The following TNFRSF1A variants were observed in gnomAD, a reference collection of about 807,000 sequenced individuals.
The protein encoded by TNFRSF1A is tumor necrosis factor receptor superfamily member 1A.
A neutral mutation model predicts 41.6 loss-of-function variants in TNFRSF1A; 9 were observed. That is an observed-to-expected ratio of 0.22 (90% confidence interval 0.13 to 0.38). TNFRSF1A has a LOEUF of 0.38. TNFRSF1A is among the 10% of genes least tolerant of loss of function. TNFRSF1A has a pLI of 1.00. For synonymous variants in TNFRSF1A, 254 were observed against 248.6 expected (o/e 1.02, Z -0.21); for missense variants, 463 against 591.5 (o/e 0.78, Z 2.25).
chr12:6,339,062 C>A (rs542975537), intron 1 of TNFRSF1A, among the ~76,000 whole-genome samples: 1 of 152,156 alleles, frequency 6.6e-6, no homozygotes, highest in East Asian at 1.9e-4. Flanking sequence ...TCCTCTCCCC[C>A]ACTCCCTCTA....
At chr12:6,340,995 A>C (rs1948187450) in intron 1 of TNFRSF1A, among the ~76,000 whole-genome samples, 2 of 152,180 alleles carry the variant, frequency 1.3e-5, no homozygotes, top group African/African-American at 4.8e-5. Flanking sequence ...GGGGAGGGGA[A>C]GCTGGAGGAC....
chr12:6,331,080 A>G, intron 5 of TNFRSF1A, 154 bp from the exon 6 acceptor site: 1 of 695,440 alleles, frequency 1.4e-6, no homozygotes, highest in Non-Finnish European at 2.6e-6. Context: ...AGAATGAAAC[A>G]CAGTTAATCA....
chr12:6,329,521 G>T lies in TNFRSF1A; in HGVS notation c.1159C>A (p.Arg387=). The T allele has an allele frequency of 6.3e-7, 1 of 1,595,002 alleles. No individual in the cohort carries two copies. Residue 387 remains arginine (R), a synonymous_variant, in exon 10 of 10, where the codon CGG becomes AGG. Transcript: ENST00000162749. ...CAGCGCCCGTTCTGCAGCTCCAGCC[G>T]ATCGATCTCGTGGTCGCTCAGCCCT... ...RLGLSDHEID[R]LELQNGRCLR...
At chr12:6,339,023 C>T (rs1030475172) in intron 1 of TNFRSF1A, among the ~76,000 whole-genome samples, 14 of 152,170 alleles carry the variant, frequency 9.2e-5, no homozygotes, top group Admixed American at 8.5e-4. Flanking sequence ...ATTCCTCCAC[C>T]TGGAACCATA....
intron 1 of TNFRSF1A, among the ~76,000 whole-genome samples, chr12:6,336,837 A>G (rs1045339487): frequency 1.3e-5 from 2 of 152,178 alleles, no homozygotes; most frequent in South Asian, 4.1e-4. Context: ...GAAGCAAGCC[A>G]AGGCTGCCCT....
In TNFRSF1A at chr12:6,334,513, T is replaced by C. The variant is rs1948093867; in HGVS notation, c.40-269A>G. The stretch of plus-strand genomic sequence containing the variant: ...GTAGGCCCCAGATCTAAGCTGTATT[T>C]TTTTTTTTTTAGGCAGGATCTTGCT... On this transcript the variant is annotated intron_variant, in intron 1 of 9. Transcript: ENST00000162749. This position sits in a 1 kb window ranked among gnomAD's most constrained non-coding sequence, Gnocchi z 5.1. 6.8e-6 allele frequency among the ~76,000 whole-genome samples: 1 copy of C among 148,056 alleles called. No individual in the cohort carries two copies. Among genetic ancestry groups the C allele is most frequent in the South Asian group, 2.1e-4 (1 of 4,824 alleles).
Position 6,341,970 on chromosome 12 carries a change from G to C in TNFRSF1A, c.-156C>G. On this transcript the variant is annotated 5_prime_UTR_variant, in exon 1 of 10. Coordinates refer to ENST00000162749, the MANE Select transcript of TNFRSF1A (RefSeq NM_001065.4). The surrounding 1 kb of genome is among the most constrained non-coding windows in gnomAD (Gnocchi z 4.6). ...GACTCGGGCATAGAGATCACGGCCT[G>C]GTCCCAGTGATCTTGAACCCCAAAG... is the stretch of plus-strand genomic sequence containing the variant. 1.3e-6 allele frequency: 1 copy of C among 750,666 alleles called. No homozygotes were observed. Among genetic ancestry groups the C allele is most frequent in the South Asian group, 1.5e-5 (1 of 68,736 alleles). The allele number at this position is 750,666 out of a possible 1,614,324, so 46.5% of individuals were successfully genotyped here.
chr12:6,329,803 G>T lies in TNFRSF1A; in HGVS notation c.1032C>A (p.Ser344Arg). 6.2e-7 allele frequency: 1 copy of T among 1,601,808 alleles called. No homozygotes were observed. The highest frequency in any genetic ancestry group is 8.5e-7 in the Non-Finnish European group (1 of 1,175,878). ...IPNPLQKWED[S>R]AHKPQSLDTD... ...TGTCTAGGCTCTGTGGCTTGTGGGCGCTGTCCTCCCACTTCTGAAGGGGGT... is the reference window on the plus strand; with the variant it reads ...TGTCTAGGCTCTGTGGCTTGTGGGCTCTGTCCTCCCACTTCTGAAGGGGGT... The change falls in exon 9 of 10, where the codon AGC becomes AGA. Residue 344 changes from serine to arginine, a missense_variant. Around this residue, in one of 4 missense-constraint regions of TNFRSF1A, gnomAD observed 277 missense variants for 288.8 expected, o/e 0.96. Transcript: ENST00000162749.
rs73049962 is a variant in TNFRSF1A, at chr12:6,341,037, G to T, written c.39+739C>A. ...AGGGACACTGACCAGGTGGGGGTAGGACTAGCTCCCTGGGAAGGCTCAGTC... is the reference window on the plus strand; with the variant it reads ...AGGGACACTGACCAGGTGGGGGTAGTACTAGCTCCCTGGGAAGGCTCAGTC... On this transcript the variant is annotated intron_variant, in intron 1 of 9. Transcript: ENST00000162749. This position sits in a 1 kb window ranked among gnomAD's most constrained non-coding sequence, Gnocchi z 4.6. Among the ~76,000 whole-genome samples, 2,275 of 152,268 alleles carry T rather than the reference G, an allele frequency of 0.015. 44 individuals are homozygous for T. Among genetic ancestry groups the T allele is most frequent in the Non-Finnish European group, 0.019 (1,263 of 68,014 alleles).
In TNFRSF1A at chr12:6,341,020, T is replaced by C. The variant is rs1222852133; in HGVS notation, c.39+756A>G. On this transcript the variant is annotated intron_variant, in intron 1 of 9. Transcript: ENST00000162749. The surrounding 1 kb of genome is among the most constrained non-coding windows in gnomAD (Gnocchi z 4.6). The stretch of plus-strand genomic sequence containing the variant: ...AGCTGGAGGACAGGCCCAGGGACAC[T>C]GACCAGGTGGGGGTAGGACTAGCTC... Among the ~76,000 whole-genome samples, 1 of 152,122 alleles carries C rather than the reference T, an allele frequency of 6.6e-6. No homozygotes were observed. The highest frequency in any genetic ancestry group is 1.5e-5 in the Non-Finnish European group (1 of 68,012).
intron 5 of TNFRSF1A, 135 bp downstream of exon 5, chr12:6,332,934 G>A: frequency 2.7e-6 from 2 of 751,162 alleles, no homozygotes; most frequent in South Asian, 1.5e-5. Flanking sequence ...TTAACGAAGT[G>A]TCTCCTACTC....
chr12:6,332,933 T>C, intron 5 of TNFRSF1A, 136 bp downstream of exon 5: 1 of 739,782 alleles, frequency 1.4e-6, no homozygotes, highest in Non-Finnish European at 2.4e-6. Context: ...CTTAACGAAG[T>C]GTCTCCTACT....
At chr12:6,331,200 T>C (rs1592045567) in intron 5 of TNFRSF1A, 1 of 502,268 alleles carries the variant, frequency 2.0e-6, no homozygotes, top group Non-Finnish European at 3.6e-6. Flanking sequence ...TGGCTAGCAG[T>C]GTGAATCTAG....
Position 6,336,263 on chromosome 12 carries a change from A to C in TNFRSF1A, c.40-2019T>G, listed in dbSNP as rs1191453247. 2.6e-5 allele frequency among the ~76,000 whole-genome samples: 4 copies of C among 152,050 alleles called. No individual in the cohort carries two copies. In the East Asian group the frequency reaches 7.7e-4, roughly 29 times the overall value. ...GGAGGGAGAGAGGCTTTCTCAGGCC[A>C]CGTGTTCCCTTCTCTTTCCAGCACT... is the stretch of plus-strand genomic sequence containing the variant. On this transcript the variant is annotated intron_variant, in intron 1 of 9. Transcript: ENST00000162749.
chr12:6,329,162 G>T lies in TNFRSF1A; in HGVS notation c.*150C>A. On this transcript the variant is annotated 3_prime_UTR_variant, in exon 10 of 10. Transcript: ENST00000162749. ...GACTGTCGGCGGCGCGCAGGCAGCT[G>T]AGAAAAGCTATGTACATCGAGGGGT... 1 of 734,376 alleles carries T rather than the reference G, an allele frequency of 1.4e-6. No homozygotes were observed. The highest frequency in any genetic ancestry group is 3.5e-5 in the South Asian group (1 of 28,956). The allele number at this position is 734,376 out of a possible 1,614,324, so 45.5% of individuals were successfully genotyped here. A position where few individuals can be genotyped will look rare whatever the true frequency, so the allele number is the denominator to read the frequency against.
In TNFRSF1A at chr12:6,339,841, T is replaced by TCACACACA. The variant is rs57599695; in HGVS notation, c.39+1927_39+1934dup. Among the ~76,000 whole-genome samples, 94 of 113,732 alleles carry TCACACACA rather than the reference T, an allele frequency of 8.3e-4. 1 individual carries two copies. The highest frequency in any genetic ancestry group is 2.9e-3 in the African/African-American group (71 of 24,810). The allele number at this position is 113,732 out of a possible 152,430, so 74.6% of individuals were successfully genotyped here. ...TTCTCTCTCTCTCTCTCTCTCTCTC[T>TCACACACA]CACACACACACACACACACACACAC... On this transcript the variant is annotated intron_variant, in intron 1 of 9. Transcript: ENST00000162749.
chr12:6,330,124 C>G, intron 8 of TNFRSF1A, 58 bp from the exon 9 acceptor site: 1 of 1,612,552 alleles, frequency 6.2e-7, no homozygotes, highest in Non-Finnish European at 8.5e-7. Flanking sequence ...CCCCGGCCCT[C>G]TTTATTCTAC....
intron 1 of TNFRSF1A, among the ~76,000 whole-genome samples, chr12:6,339,835 TCTCTCTCACA>T (rs781543620): frequency 0.038 from 4,914 of 130,178 alleles, 96 homozygotes; most frequent in Non-Finnish European, 0.05. Flanking sequence ...TCTCTCTCTC[TCTCTCTCACA>T]CACACACACA....
chr12:6,332,346 A>G (rs1203745630), intron 5 of TNFRSF1A, among the ~76,000 whole-genome samples: 1 of 151,026 alleles, frequency 6.6e-6, no homozygotes, highest in Non-Finnish European at 1.5e-5. Context: ...GGCTAAGGCA[A>G]GAGGATGGCT....
Sources: gnomAD v4.1 joint callset for allele counts (sites outside exome capture counted in the v4.1 genomes callset) on GRCh38, gnomAD v4.1.1 for gene constraint, gnomAD v4.1.1 regional missense constraint, Gnocchi (gnomAD v3.1) non-coding constraint, MANE v1.5 for transcripts, NCBI Gene and HGNC (gene_info 2026-07-23, HGNC 2026-07-21) for gene names.